Variants in SPTA1 observed in about 807,000 individuals in gnomAD.
The protein encoded by SPTA1 is spectrin alpha, erythrocytic 1, also known as spectrin alpha chain, erythrocytic 1.
SPTA1 carries 177 observed loss-of-function variants against 324.7 expected under a neutral mutation model. The observed-to-expected ratio is 0.55, with a 90% CI of 0.48 to 0.62. SPTA1 has a LOEUF of 0.62. Among genes scored for constraint, SPTA1 ranks in the 20% least tolerant of loss-of-function variants. The probability of loss-of-function intolerance (pLI) is 0.00; values close to 1 mark genes in which losing one functional copy is unlikely to be tolerated. For missense variants in SPTA1, 3,162 were observed against 2,883.6 expected, an observed-to-expected ratio of 1.10 and a Z score of -2.21; for synonymous variants, 1,195 against 1,041.3, an observed-to-expected ratio of 1.15 and a Z score of -2.84.
Position 158,613,746 on chromosome 1 carries a change from A to G in SPTA1, c.6964T>C (p.Phe2322Leu), listed in dbSNP as rs1649390018. ...CTCCCTGGATCCACAGCATCCAGGA[A>G]CTTCTCAAACTTGGGCTCATGTTCA... ...EDEHEPKFEK[F>L]LDAVDPGRKG... The change falls in exon 50 of 52, where the codon TTC becomes CTC. Residue 2322 changes from phenylalanine (F) to leucine (L), a missense_variant. Transcript: ENST00000643759. 3 of 1,613,804 alleles carry G rather than the reference A, an allele frequency of 1.9e-6. No homozygotes were observed. The highest frequency in any genetic ancestry group is 3.3e-5 in the Admixed American group (2 of 59,974).
At chr1:158,683,682 C>T (rs566046671) in intron 2 of SPTA1, among the ~76,000 whole-genome samples, 186 bp from the exon 3 acceptor site, 31 of 152,024 alleles carry the variant, frequency 2.0e-4, no homozygotes, top group African/African-American at 7.0e-4. Context: ...CTATGCTGAG[C>T]CTTATGATCT....
chr1:158,634,627 A>C lies in SPTA1; in HGVS notation c.5481T>G (p.Asn1827Lys). The C allele has an allele frequency of 6.2e-7, 1 of 1,614,154 alleles. No homozygotes were observed. The highest frequency in any genetic ancestry group is 1.1e-5 in the South Asian group (1 of 91,082). The change falls in exon 39 of 52, where the codon AAT becomes AAG. Residue 1827 changes from asparagine to lysine, a missense_variant. Transcript: ENST00000643759. ...TGATCCAAGCTTCCTCTTCCTCAGC[A>C]TTCTGCATGAATTGCAAGTATTCTA... ...ESLEYLQFMQ[N>K]AEEEEAWINE... is the part of the protein sequence containing the mutation.
At chr1:158,669,869 A>G in intron 12 of SPTA1, 83 bp from the exon 13 acceptor site, 1 of 1,344,484 alleles carries the variant, frequency 7.4e-7, no homozygotes, top group Admixed American at 1.7e-5. Flanking sequence ...CTGTTTAAAG[A>G]TGAAGAACAG....
chr1:158,643,315 G>A lies in SPTA1; in HGVS notation c.4442+7C>T, dbSNP rs753439789. On this transcript the variant is annotated splice_region_variant and intron_variant, in intron 31 of 51. Transcript: ENST00000643759. Reference sequence around the variant, plus strand: ...TTTGGCACATAAAACAATCACTCAGGCCTGACCTGTCTAGTACACGTTGGA... The same window carrying A: ...TTTGGCACATAAAACAATCACTCAGACCTGACCTGTCTAGTACACGTTGGA... The A allele has an allele frequency of 3.3e-5, 53 of 1,613,520 alleles. No homozygotes were observed. The highest frequency in any genetic ancestry group is 4.3e-5 in the Non-Finnish European group (51 of 1,179,778).
chr1:158,620,494 A>G (rs769570931), intron 43 of SPTA1, 28 bp from the exon 44 acceptor site: 6 of 1,611,916 alleles, frequency 3.7e-6, no homozygotes, highest in Non-Finnish European at 4.2e-6. Context: ...AGACACTACC[A>G]TCTTTCCTGA....
At chr1:158,633,065 A>G (rs1216621631) in intron 39 of SPTA1, among the ~76,000 whole-genome samples, 2 of 152,216 alleles carry the variant, frequency 1.3e-5, no homozygotes, top group African/African-American at 4.8e-5. Context: ...GAAAAGGTCA[A>G]TCTTCAAAAG....
At position 158,678,471 on chromosome 1, in the gene SPTA1, G is replaced by T; in HGVS notation, c.742C>A (p.Arg248Ser). The T allele has an allele frequency of 6.2e-7, 1 of 1,613,718 alleles. No individual in the cohort carries two copies. The highest frequency in any genetic ancestry group is 8.5e-7 in the Non-Finnish European group (1 of 1,179,774). Residue 248 changes from arginine to serine, a missense_variant, in exon 6 of 52, where the codon CGC becomes AGC. Coordinates refer to ENST00000643759, the MANE Select transcript of SPTA1 (RefSeq NM_003126.4). Reference protein sequence around the residue: ...KQNEVNAAWERLRGLALQRQK... With the variant: ...KQNEVNAAWESLRGLALQRQK... ...CTCTGGAGAGCCAAACCACGAAGGC[G>T]CTCCCAGGCAGCATTCACCTCATTT...
In SPTA1 at chr1:158,661,299, T is replaced by C; in HGVS notation, c.2575A>G (p.Met859Val). 6.2e-7 allele frequency: 1 copy of C among 1,613,918 alleles called. No homozygotes were observed. Among genetic ancestry groups the C allele is most frequent in the Non-Finnish European group, 8.5e-7 (1 of 1,179,850 alleles). The change falls in exon 18 of 52, where the codon ATG (methionine) becomes GTG (valine). Residue 859 changes from methionine to valine, a missense_variant. Coordinates refer to ENST00000643759, the MANE Select transcript of SPTA1 (RefSeq NM_003126.4). ...IQEITERGNK[M>V]VEEGHFAAED... ...CAATCATACATACCTTCCTCTACCA[T>C]TTTGTTTCCCCTTTCTGTTATCTCT... is the stretch of plus-strand genomic sequence containing the variant.
chr1:158,618,161 T>C, intron 45 of SPTA1, 105 bp from the exon 46 acceptor site: 3 of 1,255,014 alleles, frequency 2.4e-6, no homozygotes, highest in Non-Finnish European at 3.5e-6. Context: ...ATGAAACATT[T>C]TAAATCTTTT....
chr1:158,657,475 A>AAAACC lies in SPTA1; in HGVS notation c.2805+1_2805+2insGGTTT. 5 of 1,570,558 alleles carry AAAACC rather than the reference A, an allele frequency of 3.2e-6. No individual in the cohort carries two copies. Among genetic ancestry groups the AAAACC allele is most frequent in the Non-Finnish European group, 4.4e-6 (5 of 1,142,116 alleles). ...ACAATGTTAAACCCACCCCCACCTTACCCCAGCTGCTTCTTCATCAGCACC... is the reference window on the plus strand; with the variant it reads ...ACAATGTTAAACCCACCCCCACCTTAAAACCCCCCAGCTGCTTCTTCATCAGCACC... On this transcript the variant is annotated splice_donor_variant, in intron 19 of 51. Coordinates refer to ENST00000643759, the MANE Select transcript of SPTA1 (RefSeq NM_003126.4). LOFTEE classifies it high-confidence loss of function.
Position 158,686,612 on chromosome 1 carries a change from T to C in SPTA1, c.-95A>G, listed in dbSNP as rs2101963269. ...ATGGAACTGTCCAGTCGAATTCAAA[T>C]AGAAATATAGAAACGTTAAGTATGT... is the stretch of plus-strand genomic sequence containing the variant. On this transcript the variant is annotated 5_prime_UTR_variant, in exon 1 of 52. Transcript: ENST00000643759. 1 of 968,044 alleles carries C rather than the reference T, an allele frequency of 1.0e-6. No homozygotes were observed. The highest frequency in any genetic ancestry group is 1.6e-6 in the Non-Finnish European group (1 of 610,618). The allele number at this position is 968,044 out of a possible 1,614,324, so 60.0% of individuals were successfully genotyped here.
intron 19 of SPTA1, 107 bp from the exon 20 acceptor site, chr1:158,656,763 T>G (rs1370320391): frequency 1.9e-6 from 2 of 1,027,046 alleles, no homozygotes; most frequent in Non-Finnish European, 3.0e-6. Flanking sequence ...TGGTAAAAGC[T>G]GCTTTCCATC....
chr1:158,680,161 T>C (rs1353201254), intron 5 of SPTA1, among the ~76,000 whole-genome samples: 2 of 152,170 alleles, frequency 1.3e-5, no homozygotes, highest in Non-Finnish European at 2.9e-5. Flanking sequence ...TATAATGATA[T>C]TACATATGCA....
intron 2 of SPTA1, 110 bp downstream of exon 2, chr1:158,684,998 G>T: frequency 2.3e-6 from 3 of 1,315,166 alleles, no homozygotes; most frequent in South Asian, 1.2e-5. Context: ...TTTCTAAACG[G>T]AATCTAATTG....
intron 19 of SPTA1, 135 bp from the exon 20 acceptor site, chr1:158,656,791 T>C: frequency 1.3e-6 from 1 of 752,448 alleles, no homozygotes; most frequent in Non-Finnish European, 2.2e-6. Context: ...AAGTTATTTT[T>C]AACCCTAAAT....
chr1:158,624,247 C>A (rs936845231), intron 42 of SPTA1, among the ~76,000 whole-genome samples: 1 of 152,168 alleles, frequency 6.6e-6, no homozygotes, highest in Non-Finnish European at 1.5e-5. Context: ...TGCCTAGTGT[C>A]CTCCAGACTC....
At chr1:158,678,314 T>C in intron 6 of SPTA1, 87 bp downstream of exon 6, 1 of 1,569,046 alleles carries the variant, frequency 6.4e-7, no homozygotes, top group Non-Finnish European at 8.8e-7. Flanking sequence ...CATTAATTGC[T>C]AACAGAAGTA....
At position 158,623,135 on chromosome 1, in the gene SPTA1, C is replaced by A; in HGVS notation, c.5968G>T (p.Asp1990Tyr). 1.9e-6 allele frequency: 3 copies of A among 1,614,116 alleles called. No homozygotes were observed. Among genetic ancestry groups the A allele is most frequent in the African/African-American group, 2.7e-5 (2 of 75,026 alleles). Residue 1990 changes from aspartate (D) to tyrosine (Y), a missense_variant, in exon 43 of 52, where the codon GAC (aspartate) becomes TAC (tyrosine). Physicochemically the swap from Asp to Tyr is radical, Grantham distance 160. Transcript: ENST00000643759. ...FQQERLPEIT[D>Y]LKDKLISAQH... Reference sequence around the variant, plus strand: ...GCAGAAATCAGTTTGTCCTTCAGGTCAGTGATCTCGGGAAGTCTCTCTTGC... The same window carrying A: ...GCAGAAATCAGTTTGTCCTTCAGGTAAGTGATCTCGGGAAGTCTCTCTTGC...
chr1:158,667,740 G>T, intron 15 of SPTA1, 118 bp downstream of exon 15: 2 of 1,058,104 alleles, frequency 1.9e-6, no homozygotes, highest in Non-Finnish European at 2.7e-6. Context: ...ACACATGGAA[G>T]CAAATGAGTA....
Sources: allele counts gnomAD v4.1 joint callset (sites outside exome capture counted in the v4.1 genomes callset), GRCh38; gene constraint gnomAD v4.1.1; transcripts MANE v1.5; gene names NCBI Gene and HGNC (gene_info 2026-07-23, HGNC 2026-07-21).